USH2A: variants seen among roughly 807,000 people sequenced by gnomAD.
USH2A encodes Usher syndrome 2A (autosomal recessive, mild).
Under a neutral mutation model 538.9 loss-of-function variants are expected in USH2A, and 443 were observed. The ratio of observed to expected loss-of-function variants is 0.82; its 90% CI spans 0.76 to 0.89. USH2A has a LOEUF of 0.89. Among genes scored for constraint, USH2A ranks in the 40% least tolerant of loss-of-function variants. The pLI, the probability that USH2A is intolerant of heterozygous loss-of-function variation, is 0.00. For missense variants in USH2A, 6,633 were observed against 6,324.8 expected (o/e 1.05, Z -1.65); for synonymous variants, 2,413 against 2,273.5 (o/e 1.06, Z -1.75).
At chr1:215,648,453 G>A in intron 66 of USH2A, 75 bp downstream of exon 66, 1 of 1,475,890 alleles carries the variant, frequency 6.8e-7, no homozygotes. Context: ...TAGGTGCAGA[G>A]TAGGCTATAC....
At chr1:215,786,627 C>G in intron 52 of USH2A, 43 bp downstream of exon 52, 1 of 1,606,438 alleles carries the variant, frequency 6.2e-7, no homozygotes. Flanking sequence ...CAGCTTCTCA[C>G]TAACCCCATT....
intron 30 of USH2A, among the ~76,000 whole-genome samples, chr1:216,054,487 C>T (rs1361964246): frequency 6.6e-6 from 1 of 152,100 alleles, no homozygotes; most frequent in East Asian, 1.9e-4. Context: ...TCTGCTTTCA[C>T]GTTGAAATTT....
intron 15 of USH2A, among the ~76,000 whole-genome samples, chr1:216,216,992 A>C (rs1372613079): frequency 1.3e-5 from 2 of 150,912 alleles, no homozygotes; most frequent in Non-Finnish European, 3.0e-5. Flanking sequence ...TTTATTTGTC[A>C]AAAAAAAATA....
At chr1:216,056,263 T>G (rs1277075932) in intron 30 of USH2A, among the ~76,000 whole-genome samples, 2 of 152,122 alleles carry the variant, frequency 1.3e-5, no homozygotes, top group East Asian at 1.9e-4. Context: ...CTGAAACTCT[T>G]CAAGAAAACA....
At chr1:216,344,969 T>G (rs368620513) in intron 4 of USH2A, among the ~76,000 whole-genome samples, 11 of 151,532 alleles carry the variant, frequency 7.3e-5, no homozygotes, top group African/African-American at 2.4e-4. Context: ...GGCATGCATG[T>G]GAATGTGGGA....
chr1:215,674,133 G>T lies in USH2A; in HGVS notation c.13778C>A (p.Ser4593Ter), dbSNP rs1202573136. The T allele has an allele frequency of 1.2e-6, 2 of 1,614,032 alleles. No homozygotes were observed. Among genetic ancestry groups the T allele is most frequent in the Non-Finnish European group, 1.7e-6 (2 of 1,179,994 alleles). Reference sequence around the variant, plus strand: ...TGGCTTCAGCTGGTTTACTATATATGACTGCATACCAAAAGAATTATGAGT... The same window carrying T: ...TGGCTTCAGCTGGTTTACTATATATTACTGCATACCAAAAGAATTATGAGT... Reference protein sequence around the residue: ...NTTHNSFGMQSYIVNQLKPFH... With the variant: ...NTTHNSFGMQ Residue 4593 changes from serine to a stop codon, truncating the protein, a stop_gained, in exon 63 of 72, where the codon TCA becomes TAA. Coordinates refer to ENST00000307340, the MANE Select transcript of USH2A (RefSeq NM_206933.4). LOFTEE classifies it high-confidence loss of function.
At chr1:216,191,787 G>A (rs1231946188) in intron 19 of USH2A, among the ~76,000 whole-genome samples, 3 of 151,812 alleles carry the variant, frequency 2.0e-5, no homozygotes, top group Non-Finnish European at 4.4e-5. Flanking sequence ...TTAGGATAAA[G>A]TACATGAAGC....
chr1:215,647,612 G>A lies in USH2A; in HGVS notation c.14701C>T (p.Pro4901Ser). Residue 4901 changes from proline (P) to serine (S), a missense_variant, in exon 67 of 72, where the codon CCC becomes TCC. Coordinates refer to ENST00000307340, the MANE Select transcript of USH2A (RefSeq NM_206933.4). ...GQKASLGGLQ[P>S]YTTYKLRVVA... ...ACTCTCAGCTTGTATGTGGTGTAGG[G>A]CTGGAGACCCCCAAGGCTGGCTTTC... 6.2e-7 allele frequency: 1 copy of A among 1,614,114 alleles called. No homozygotes were observed. Among genetic ancestry groups the A allele is most frequent in the Non-Finnish European group, 8.5e-7 (1 of 1,180,026 alleles).
chr1:216,031,749 T>A (rs550569059), intron 32 of USH2A, among the ~76,000 whole-genome samples: 1 of 152,340 alleles, frequency 6.6e-6, no homozygotes, highest in East Asian at 1.9e-4. Context: ...GCACCTTTGA[T>A]AATCTCAATC....
At chr1:215,817,433 T>C (rs1004399115) in intron 47 of USH2A, among the ~76,000 whole-genome samples, 3 of 151,948 alleles carry the variant, frequency 2.0e-5, no homozygotes, top group Non-Finnish European at 2.9e-5. Context: ...AGTGTCACTA[T>C]GGCTAATCAA....
At chr1:215,967,370 T>C (rs1417053365) in intron 36 of USH2A, among the ~76,000 whole-genome samples, 1 of 152,126 alleles carries the variant, frequency 6.6e-6, no homozygotes, top group Non-Finnish European at 1.5e-5. Context: ...GGTTTCATCA[T>C]ATTGGCCAGG....
At position 215,878,759 on chromosome 1, in the gene USH2A, C is replaced by T. The variant is rs746331566; in HGVS notation, c.8558+5G>A. ...AACATAAAAATCATAGTCACCTTCT[C>T]TTACCTCAAATTAGGTCCATTTGGC... is the stretch of plus-strand genomic sequence containing the variant. On this transcript the variant is annotated splice_donor_5th_base_variant and intron_variant, in intron 42 of 71. Coordinates refer to ENST00000307340, the MANE Select transcript of USH2A (RefSeq NM_206933.4). 3 of 1,613,746 alleles carry T rather than the reference C, an allele frequency of 1.9e-6. No homozygotes were observed. Among genetic ancestry groups the T allele is most frequent in the African/African-American group, 1.3e-5 (1 of 75,036 alleles).
At chr1:216,139,613 TTTA>T (rs1316991064) in intron 21 of USH2A, among the ~76,000 whole-genome samples, 1 of 152,258 alleles carries the variant, frequency 6.6e-6, no homozygotes, top group East Asian at 1.9e-4. Flanking sequence ...AGTGTTGATG[TTTA>T]TTTAGTCTTC....
intron 9 of USH2A, among the ~76,000 whole-genome samples, chr1:216,295,620 T>A (rs1571672721): frequency 1.3e-5 from 2 of 151,882 alleles, no homozygotes; most frequent in East Asian, 3.9e-4. Flanking sequence ...AATAAGTAAA[T>A]ACCAGGATTT....
At chr1:215,649,634 C>T (rs1656984113) in intron 65 of USH2A, among the ~76,000 whole-genome samples, 1 of 152,020 alleles carries the variant, frequency 6.6e-6, no homozygotes, top group Non-Finnish European at 1.5e-5. Flanking sequence ...ACATTCAATC[C>T]AAGCCTCCCT....
chr1:216,274,446 C>T (rs2102585689), intron 11 of USH2A, among the ~76,000 whole-genome samples: 1 of 152,126 alleles, frequency 6.6e-6, no homozygotes, highest in Non-Finnish European at 1.5e-5. Context: ...GCCTTCTCAG[C>T]CCTAAGATGT....
At chr1:216,273,231 T>C (rs949965299) in intron 11 of USH2A, among the ~76,000 whole-genome samples, 4 of 151,946 alleles carry the variant, frequency 2.6e-5, no homozygotes, top group African/African-American at 9.7e-5. Flanking sequence ...AATTTGAAAA[T>C]GGGCGACTGA....
rs1220661204 is a variant in USH2A at position 215,992,889 on chromosome 1, A to G, written c.6805+131T>C. Reference sequence around the variant, plus strand: ...ACAATCTCCCCAACTAGAGACAATGATACTATCTTAGGTATTTTATGTGCT... The same window carrying G: ...ACAATCTCCCCAACTAGAGACAATGGTACTATCTTAGGTATTTTATGTGCT... On this transcript the variant is annotated intron_variant, in intron 35 of 71. Coordinates refer to ENST00000307340, the MANE Select transcript of USH2A (RefSeq NM_206933.4). 10 of 1,443,594 alleles carry G rather than the reference A, an allele frequency of 6.9e-6. No individual in the cohort carries two copies. The East Asian group carries it at 2.3e-4, about 33-fold the overall frequency. The allele number at this position is 1,443,594 out of a possible 1,614,324, so 89.4% of individuals were successfully genotyped here.
At chr1:216,225,676 A>C (rs2035545975) in intron 14 of USH2A, among the ~76,000 whole-genome samples, 1 of 152,200 alleles carries the variant, frequency 6.6e-6, no homozygotes, top group African/African-American at 2.4e-5. Context: ...AAACCTGAGA[A>C]GAATCTAAGC....
Sources: gnomAD v4.1 joint callset for allele counts (sites outside exome capture counted in the v4.1 genomes callset) on GRCh38, gnomAD v4.1.1 for gene constraint, MANE v1.5 for transcripts, NCBI Gene and HGNC (gene_info 2026-07-23, HGNC 2026-07-21) for gene names.